The following ACVR1C variants were observed in gnomAD, a reference collection of about 807,000 sequenced individuals.
ACVR1C encodes activin receptor type-1C.
In ACVR1C, 23 loss-of-function variants were observed where a neutral mutation model predicts 57.9. The observed-to-expected ratio is 0.40, with a 90% CI of 0.29 to 0.56. ACVR1C has a LOEUF of 0.56. Ranked by LOEUF, ACVR1C falls within the 20% of genes least tolerant of loss-of-function variation. ACVR1C has a pLI of 0.50. For synonymous variants in ACVR1C, 214 were observed against 215.3 expected (o/e 0.99, Z 0.05); for missense variants, 480 against 607.9 (o/e 0.79, Z 2.21).
intron 1 of ACVR1C, among the ~76,000 whole-genome samples, chr2:157,619,484 C>T (rs1387697279): frequency 2.6e-5 from 4 of 151,968 alleles, no homozygotes; most frequent in Non-Finnish European, 5.9e-5. Context: ...TGTGGGTCAG[C>T]AAACTATGGC....
intron 2 of ACVR1C, among the ~76,000 whole-genome samples, chr2:157,574,540 C>T (rs937191591): frequency 6.6e-6 from 1 of 152,044 alleles, no homozygotes; most frequent in Non-Finnish European, 1.5e-5. Context: ...TTTTTCTTTC[C>T]CAGAAACTGT....
intron 2 of ACVR1C, among the ~76,000 whole-genome samples, chr2:157,563,843 C>T (rs1473082344): frequency 6.6e-6 from 1 of 152,142 alleles, no homozygotes; most frequent in African/African-American, 2.4e-5. Context: ...CTTTGACAAA[C>T]CTGACAAAAA....
intron 1 of ACVR1C, among the ~76,000 whole-genome samples, chr2:157,627,283 T>A (rs1174812722): frequency 6.6e-6 from 1 of 152,212 alleles, no homozygotes; most frequent in Non-Finnish European, 1.5e-5. Flanking sequence ...ACCCATTTTT[T>A]AAAGACTTTC....
intron 1 of ACVR1C, among the ~76,000 whole-genome samples, chr2:157,612,253 C>T (rs1054982891): frequency 6.6e-6 from 1 of 152,136 alleles, no homozygotes; most frequent in Admixed American, 6.5e-5. Context: ...AGGGACCCTG[C>T]CCTCCTTGCA....
chr2:157,551,300 G>A (rs1257586830), intron 3 of ACVR1C, among the ~76,000 whole-genome samples: 1 of 152,000 alleles, frequency 6.6e-6, no homozygotes, highest in African/African-American at 2.4e-5. Context: ...GATGATATGA[G>A]AATTAATAAG....
In ACVR1C at chr2:157,530,379, A is replaced by T. The variant is rs905569388; in HGVS notation, c.*3539T>A. 1.3e-5 allele frequency: 2 copies of T among 152,144 alleles called. No homozygotes were observed. The highest frequency in any genetic ancestry group is 2.9e-5 in the Non-Finnish European group (2 of 67,994). The allele number at this position is 152,144 out of a possible 1,614,324, so 9.4% of individuals were successfully genotyped here. Reference sequence around the variant, plus strand: ...GCAAACATCAGCTCCCTGTTTTCAGACGATTTGCTAAGCAGGTTCCCTGGT... The same window carrying T: ...GCAAACATCAGCTCCCTGTTTTCAGTCGATTTGCTAAGCAGGTTCCCTGGT... On this transcript the variant is annotated 3_prime_UTR_variant, in exon 9 of 9. Transcript: ENST00000243349.
intron 1 of ACVR1C, among the ~76,000 whole-genome samples, chr2:157,608,491 C>G (rs902767664): frequency 6.6e-6 from 1 of 151,620 alleles, no homozygotes; most frequent in African/African-American, 2.4e-5. Flanking sequence ...GTATTGCTGG[C>G]CTTAAAAAAT....
chr2:157,618,930 T>A (rs1015985894), intron 1 of ACVR1C, among the ~76,000 whole-genome samples: 1 of 151,726 alleles, frequency 6.6e-6, no homozygotes, highest in Non-Finnish European at 1.5e-5. Flanking sequence ...AAAAAGGGAA[T>A]ACATAAATCC....
chr2:157,589,948 A>G (rs548894240), intron 1 of ACVR1C, among the ~76,000 whole-genome samples: 43 of 152,034 alleles, frequency 2.8e-4, no homozygotes, highest in African/African-American at 9.9e-4. Flanking sequence ...ACTCTATTCA[A>G]TAAATGGTTC....
chr2:157,542,963 A>G, intron 5 of ACVR1C, 101 bp from the exon 6 acceptor site: 2 of 1,217,922 alleles, frequency 1.6e-6, no homozygotes, highest in South Asian at 1.5e-5. Flanking sequence ...ATTCAAAAAG[A>G]GTTTTCTTCA....
chr2:157,554,106 C>T (rs1236785435), intron 3 of ACVR1C, among the ~76,000 whole-genome samples: 1 of 149,704 alleles, frequency 6.7e-6, no homozygotes, highest in Admixed American at 6.7e-5. Context: ...TCACTTGAAT[C>T]CAGGAGGGAG....
intron 2 of ACVR1C, among the ~76,000 whole-genome samples, chr2:157,566,827 A>C (rs1447417418): frequency 6.6e-6 from 1 of 152,216 alleles, no homozygotes; most frequent in African/African-American, 2.4e-5. Flanking sequence ...TAAACAAAGC[A>C]GCCGGGAAGG....
chr2:157,582,194 A>C (rs1438055112), intron 2 of ACVR1C, among the ~76,000 whole-genome samples: 5 of 152,144 alleles, frequency 3.3e-5, no homozygotes, highest in Admixed American at 3.3e-4. Flanking sequence ...ATGTGGTGGC[A>C]TGTGCCTGTA....
chr2:157,577,490 C>T (rs1445959124), intron 2 of ACVR1C, among the ~76,000 whole-genome samples: 1 of 152,058 alleles, frequency 6.6e-6, no homozygotes, highest in African/African-American at 2.4e-5. Context: ...TAAACTGAAA[C>T]TTGAGATGTT....
At chr2:157,538,272 C>A (rs1465765408) in intron 8 of ACVR1C, among the ~76,000 whole-genome samples, 2 of 152,198 alleles carry the variant, frequency 1.3e-5, no homozygotes, top group Non-Finnish European at 2.9e-5. Flanking sequence ...AGAGTGATTA[C>A]TGAGTTACTG....
rs551409509 is a variant in ACVR1C, at chr2:157,574,382, G to T, written c.304+12805C>A. Reference sequence around the variant, plus strand: ...ATGAGGGCACTAGTCTCATTCATGAGGGCTCCACCCTCCTGACCTAATCAA... The same window carrying T: ...ATGAGGGCACTAGTCTCATTCATGATGGCTCCACCCTCCTGACCTAATCAA... On this transcript the variant is annotated intron_variant, in intron 2 of 8. Transcript: ENST00000243349. Among the ~76,000 whole-genome samples the T allele has an allele frequency of 1.3e-4, 20 of 152,254 alleles. No homozygotes were observed. The South Asian group carries it at 4.1e-3, about 32-fold the overall frequency.
At chr2:157,617,223 T>A (rs1338207215) in intron 1 of ACVR1C, among the ~76,000 whole-genome samples, 2 of 152,064 alleles carry the variant, frequency 1.3e-5, no homozygotes, top group Non-Finnish European at 2.9e-5. Context: ...ATTAATTAAA[T>A]AGTCATTGCA....
chr2:157,552,520 TCA>T (rs1687946898), intron 3 of ACVR1C, among the ~76,000 whole-genome samples: 1 of 152,174 alleles, frequency 6.6e-6, no homozygotes, highest in Non-Finnish European at 1.5e-5. Flanking sequence ...AATCTCAATC[TCA>T]GTCTCTCCCT....
At chr2:157,539,905 CTCAT>C (rs952727359) in intron 7 of ACVR1C, among the ~76,000 whole-genome samples, 5 of 152,186 alleles carry the variant, frequency 3.3e-5, no homozygotes, top group African/African-American at 1.2e-4. Context: ...TGTATGTTTG[CTCAT>C]TCAGACATAA....
Sources: allele counts gnomAD v4.1 joint callset (sites outside exome capture counted in the v4.1 genomes callset), GRCh38; gene constraint gnomAD v4.1.1; transcripts MANE v1.5; gene names NCBI Gene and HGNC (gene_info 2026-07-23, HGNC 2026-07-21).